The following BCL10 variants were observed in gnomAD, a reference collection of about 807,000 sequenced individuals.
BCL10 encodes B-cell lymphoma/leukemia 10.
Under a neutral mutation model 19.2 loss-of-function variants are expected in BCL10, and 5 were observed. The observed-to-expected ratio is 0.26, with a 90% confidence interval of 0.14 to 0.55. BCL10 has a LOEUF of 0.55. BCL10 is among the 20% of genes least tolerant of loss of function. The pLI, the probability that BCL10 is intolerant of heterozygous loss-of-function variation, is 0.94. For missense variants in BCL10, 201 were observed against 271.9 expected (o/e 0.74, Z 1.83); for synonymous variants, 110 against 98.8 (o/e 1.11, Z -0.67).
At chr1:85,270,536 A>C in intron 2 of BCL10, 82 bp downstream of exon 2, 1 of 1,314,284 alleles carries the variant, frequency 7.6e-7, no homozygotes, top group Non-Finnish European at 1.0e-6. Context: ...GGCCTCCTAA[A>C]GTGCAGGCAC....
At position 85,276,537 on chromosome 1, in the gene BCL10, C is replaced by G; in HGVS notation, c.-185G>C. ...GGGGTCAAACCGTAGCGCTTCCGGC[C>G]CCGCCTCTGAGGTCGACGGCGACGC... On this transcript the variant is annotated 5_prime_UTR_variant, in exon 1 of 3. Transcript: ENST00000648566. 1.6e-6 allele frequency: 1 copy of G among 641,348 alleles called. No homozygotes were observed. Among genetic ancestry groups the G allele is most frequent in the South Asian group, 1.9e-5 (1 of 52,136 alleles). 39.7% of individuals were successfully genotyped at this position (641,348 alleles called of 1,614,324 possible). A position where few individuals can be genotyped will look rare whatever the true frequency, so the allele number is the denominator to read the frequency against.
At chr1:85,272,832 G>A (rs1660403725) in intron 1 of BCL10, among the ~76,000 whole-genome samples, 1 of 152,138 alleles carries the variant, frequency 6.6e-6, no homozygotes, top group South Asian at 2.1e-4. Context: ...ATATATGAAG[G>A]CCACGCATAG....
Position 85,266,876 on chromosome 1 carries a change from C to CAAAAAAAAAAAAAA in BCL10, c.*737_*750dup, listed in dbSNP as rs71650007. The CAAAAAAAAAAAAAA allele has an allele frequency of 2.3e-5, 2 of 88,080 alleles. No homozygotes were observed. Among genetic ancestry groups the CAAAAAAAAAAAAAA allele is most frequent in the Non-Finnish European group, 4.2e-5 (2 of 47,556 alleles). The allele number at this position is 88,080 out of a possible 1,614,324, so 5.5% of individuals were successfully genotyped here. A position where few individuals can be genotyped will look rare whatever the true frequency, so the allele number is the denominator to read the frequency against. ...CCTGGGCGATAGAGCAAGACTGTCT[C>CAAAAAAAAAAAAAA]AAAAAAAAAAAAAAAAAAAAAAGAA... is the stretch of plus-strand genomic sequence containing the variant. On this transcript the variant is annotated 3_prime_UTR_variant, in exon 3 of 3. Coordinates refer to ENST00000648566, the MANE Select transcript of BCL10 (RefSeq NM_003921.5).
Position 85,267,469 on chromosome 1 carries a change from GCT to G in BCL10, c.*156_*157del. ...TTACAGTTAGCTATCCTAGAAGTATGCTTTTTTAATTCTAAAAATCCTATTTA... is the reference window on the plus strand; with the variant it reads ...TTACAGTTAGCTATCCTAGAAGTATGTTTTTAATTCTAAAAATCCTATTTA... On this transcript the variant is annotated 3_prime_UTR_variant, in exon 3 of 3. Coordinates refer to ENST00000648566, the MANE Select transcript of BCL10 (RefSeq NM_003921.5). 1 of 605,694 alleles carries G rather than the reference GCT, an allele frequency of 1.7e-6. No homozygotes were observed. Among genetic ancestry groups the G allele is most frequent in the Non-Finnish European group, 2.7e-6 (1 of 364,154 alleles). The allele number at this position is 605,694 out of a possible 1,614,324, so 37.5% of individuals were successfully genotyped here.
At position 85,270,798 on chromosome 1, in the gene BCL10, A is replaced by C; in HGVS notation, c.166T>G (p.Ser56Ala). 6.2e-7 allele frequency: 1 copy of C among 1,614,094 alleles called. No individual in the cohort carries two copies. Among genetic ancestry groups the C allele is most frequent in the Non-Finnish European group, 8.5e-7 (1 of 1,180,022 alleles). ...ILSREDTEEI[S>A]CRTSSRKRAG... Reference sequence around the variant, plus strand: ...CTTTTTCTACTTGATGTTCGACAAGAAATTTCTTCAGTGTCTTCTCTACTG... The same window carrying C: ...CTTTTTCTACTTGATGTTCGACAAGCAATTTCTTCAGTGTCTTCTCTACTG... Residue 56 changes from serine to alanine, a missense_variant, in exon 2 of 3, where the codon TCT (serine) becomes GCT (alanine). Transcript: ENST00000648566.
intron 1 of BCL10, 61 bp downstream of exon 1, chr1:85,276,235 T>G: frequency 6.3e-7 from 1 of 1,585,888 alleles, no homozygotes; most frequent in Non-Finnish European, 8.7e-7. Context: ...GGCTTCCGCT[T>G]TCGTCTCCCG....
chr1:85,273,879 A>G (rs1278272269), intron 1 of BCL10, among the ~76,000 whole-genome samples: 1 of 151,830 alleles, frequency 6.6e-6, no homozygotes, highest in Non-Finnish European at 1.5e-5. Flanking sequence ...TCCCTACTAT[A>G]CTTGGGGGGA....
Position 85,265,886 on chromosome 1 carries a change from C to A in BCL10, c.*1741G>T, listed in dbSNP as rs1446403875. ...TGTTATTGTATATCTAAATTATAAT[C>A]TTTGATTCAATTTTTAAAAAGGTGT... is the stretch of plus-strand genomic sequence containing the variant. On this transcript the variant is annotated 3_prime_UTR_variant, in exon 3 of 3. Transcript: ENST00000648566. 1.3e-5 allele frequency among the ~76,000 whole-genome samples: 2 copies of A among 152,122 alleles called. No homozygotes were observed. The highest frequency in any genetic ancestry group is 3.8e-4 in the East Asian group (2 of 5,202).
intron 1 of BCL10, among the ~76,000 whole-genome samples, chr1:85,276,051 A>T (rs12068788): frequency 0.092 from 13,997 of 152,254 alleles, 739 homozygotes; most frequent in East Asian, 0.21. Flanking sequence ...GAATCAAAAC[A>T]CCACTTGGCA....
At chr1:85,274,734 T>C (rs1660468134) in intron 1 of BCL10, among the ~76,000 whole-genome samples, 1 of 152,230 alleles carries the variant, frequency 6.6e-6, no homozygotes, top group South Asian at 2.1e-4. Context: ...AGTCCAAATA[T>C]GTGGATAATT....
In BCL10 at chr1:85,276,496, G is replaced by A; in HGVS notation, c.-144C>T. On this transcript the variant is annotated 5_prime_UTR_variant, in exon 1 of 3. Transcript: ENST00000648566. ...CGGGAGAAAGACGGCCGCCCCTTCG[G>A]GAACAGAGGGACTCGGGGGTCAAAC... is the stretch of plus-strand genomic sequence containing the variant. The A allele has an allele frequency of 2.3e-6, 2 of 854,058 alleles. No homozygotes were observed. Among genetic ancestry groups the A allele is most frequent in the South Asian group, 1.6e-5 (1 of 63,674 alleles). 52.9% of individuals were successfully genotyped at this position (854,058 alleles called of 1,614,324 possible).
At chr1:85,269,350 G>T (rs571517324) in intron 2 of BCL10, among the ~76,000 whole-genome samples, 72 of 152,348 alleles carry the variant, frequency 4.7e-4, no homozygotes, top group African/African-American at 1.6e-3. Flanking sequence ...CCAGAGGATT[G>T]AAAGAATAAA....
At chr1:85,271,287 C>T (rs552192624) in intron 1 of BCL10, among the ~76,000 whole-genome samples, 2 of 152,264 alleles carry the variant, frequency 1.3e-5, no homozygotes, top group South Asian at 4.2e-4. Flanking sequence ...TAGTCAGGAC[C>T]AATAACTTAG....
chr1:85,268,641 G>A (rs964792811), intron 2 of BCL10, among the ~76,000 whole-genome samples: 1 of 152,044 alleles, frequency 6.6e-6, no homozygotes, highest in African/African-American at 2.4e-5. Context: ...GGTGGCAGGT[G>A]CCTGCAATCG....
chr1:85,265,932 T>G lies in BCL10; in HGVS notation c.*1695A>C, dbSNP rs932953658. ...GGTGTCCACAAATTTAATTTTAAAG[T>G]CTGCTTCTGCTTTTTAAAGCACCTT... On this transcript the variant is annotated 3_prime_UTR_variant, in exon 3 of 3. Coordinates refer to ENST00000648566, the MANE Select transcript of BCL10 (RefSeq NM_003921.5). Among the ~76,000 whole-genome samples the G allele has an allele frequency of 6.6e-5, 10 of 152,220 alleles. No individual in the cohort carries two copies. The highest frequency in any genetic ancestry group is 6.5e-4 in the Admixed American group (10 of 15,286).
chr1:85,276,630 G>A lies in BCL10; in HGVS notation c.-278C>T. On this transcript the variant is annotated 5_prime_UTR_variant, in exon 1 of 3. Coordinates refer to ENST00000648566, the MANE Select transcript of BCL10 (RefSeq NM_003921.5). ...CCCTCTCGTAGAGGCTCAGGCGCAG[G>A]CACCGCCCCACGGCGAGGCGCGTCG... 1.8e-6 allele frequency: 1 copy of A among 542,206 alleles called. No individual in the cohort carries two copies. Among genetic ancestry groups the A allele is most frequent in the South Asian group, 2.1e-5 (1 of 47,042 alleles). 33.6% of individuals were successfully genotyped at this position (542,206 alleles called of 1,614,324 possible).
At chr1:85,275,659 T>C (rs191936101) in intron 1 of BCL10, among the ~76,000 whole-genome samples, 291 of 152,238 alleles carry the variant, frequency 1.9e-3, no homozygotes, top group African/African-American at 6.6e-3. Context: ...CGAATAAATA[T>C]GAAGGTTTAT....
At chr1:85,272,403 ATTTTTTT>A (rs952747276) in intron 1 of BCL10, among the ~76,000 whole-genome samples, 10 of 133,470 alleles carry the variant, frequency 7.5e-5, no homozygotes, top group Non-Finnish European at 1.1e-4. Context: ...CTAATTTTTA[ATTTTTTT>A]TTTTTTTTTT....
intron 1 of BCL10, 48 bp from the exon 2 acceptor site, chr1:85,270,954 AATCACATACGTGAC>A: frequency 6.4e-7 from 1 of 1,550,612 alleles, no homozygotes; most frequent in Non-Finnish European, 8.7e-7. Context: ...CATCTAAGAA[AATCACATACGTGAC>A]TATTAGTTGG....
Sources: allele counts gnomAD v4.1 joint callset (sites outside exome capture counted in the v4.1 genomes callset), GRCh38; gene constraint gnomAD v4.1.1; transcripts MANE v1.5; gene names NCBI Gene and HGNC (gene_info 2026-07-23, HGNC 2026-07-21).